FHOD3: variants seen among roughly 807,000 people sequenced by gnomAD.
FHOD3 encodes formin homology 2 domain containing 3, also known as FH1/FH2 domain-containing protein 3.
FHOD3 carries 90 observed loss-of-function variants against 173.0 expected under a neutral mutation model. That is an observed-to-expected ratio of 0.52 (90% CI 0.44 to 0.62). The LOEUF is 0.62. FHOD3 is among the 20% of genes least tolerant of loss of function. The pLI, the probability that FHOD3 is intolerant of heterozygous loss-of-function variation, is 0.00. For missense variants in FHOD3, 1,945 were observed against 2,034.7 expected, an observed-to-expected ratio of 0.96 and a Z score of 0.85; for synonymous variants, 828 against 823.0, an observed-to-expected ratio of 1.01 and a Z score of -0.10.
chr18:36,465,346 G>A (rs551492935), intron 3 of FHOD3, among the ~76,000 whole-genome samples: 34 of 152,150 alleles, frequency 2.2e-4, no homozygotes, highest in African/African-American at 7.2e-4. Flanking sequence ...AATTAGACAC[G>A]GATCTCATAC....
chr18:36,596,641 A>G (rs771490315), intron 7 of FHOD3, among the ~76,000 whole-genome samples: 1 of 152,182 alleles, frequency 6.6e-6, no homozygotes, highest in East Asian at 1.9e-4. Flanking sequence ...ACATGCAGAT[A>G]GATGTCGGCA....
intron 6 of FHOD3, among the ~76,000 whole-genome samples, chr18:36,583,661 T>C (rs1042189472): frequency 1.3e-5 from 2 of 152,176 alleles, no homozygotes; most frequent in African/African-American, 4.8e-5. Flanking sequence ...GCCCCCAGCT[T>C]CTTTGTGAGT....
intron 3 of FHOD3, among the ~76,000 whole-genome samples, chr18:36,429,705 G>A (rs1442644790): frequency 6.6e-6 from 1 of 152,170 alleles, no homozygotes; most frequent in Non-Finnish European, 1.5e-5. Flanking sequence ...AGGGCCAGAA[G>A]GAGGAGCAGC....
chr18:36,502,522 T>G (rs12969758), intron 4 of FHOD3, among the ~76,000 whole-genome samples: 26,178 of 152,092 alleles, frequency 0.17, 3,361 homozygotes, highest in East Asian at 0.59. Context: ...TGCTGTGTTT[T>G]CTGAGAATGA....
At chr18:36,432,232 A>T (rs1599093420) in intron 3 of FHOD3, among the ~76,000 whole-genome samples, 1 of 152,204 alleles carries the variant, frequency 6.6e-6, no homozygotes, top group East Asian at 1.9e-4. Flanking sequence ...TCTGTAATTT[A>T]AAATCTACTA....
At position 36,759,031 on chromosome 18, in the gene FHOD3, A is replaced by G. The variant is rs2035394425; in HGVS notation, c.4426-87A>G. 3 of 1,401,256 alleles carry G rather than the reference A, an allele frequency of 2.1e-6. No individual in the cohort carries two copies. The Admixed American group carries it at 5.9e-5, about 28-fold the overall frequency. 86.8% of individuals were successfully genotyped at this position (1,401,256 alleles called of 1,614,324 possible). A position where few individuals can be genotyped will look rare whatever the true frequency, so the allele number is the denominator to read the frequency against. ...TTATTTACTTGGAATTTTATGTGAC[A>G]TTGCGATGATCTTTTTGCTGACTTC... On this transcript the variant is annotated intron_variant, in intron 25 of 28. Coordinates refer to ENST00000590592, the MANE Select transcript of FHOD3 (RefSeq NM_001281740.3).
At chr18:36,492,266 T>TC (rs2054510656) in intron 3 of FHOD3, among the ~76,000 whole-genome samples, 1 of 152,138 alleles carries the variant, frequency 6.6e-6, no homozygotes, top group African/African-American at 2.4e-5. Context: ...CATCTGAACC[T>TC]CCACTCTCCA....
chr18:36,704,810 C>T (rs74975248), intron 17 of FHOD3, among the ~76,000 whole-genome samples: 2 of 152,186 alleles, frequency 1.3e-5, no homozygotes, highest in Non-Finnish European at 2.9e-5. Context: ...AGCAGCCCTG[C>T]GGAACTCCCT....
At chr18:36,437,665 C>CTTTT (rs1555704498) in intron 3 of FHOD3, among the ~76,000 whole-genome samples, 3 of 69,430 alleles carry the variant, frequency 4.3e-5, no homozygotes, top group African/African-American at 4.5e-5. Context: ...TTCTTTCTTT[C>CTTTT]TTTTTTTTTT....
At chr18:36,459,968 G>C (rs539291976) in intron 3 of FHOD3, among the ~76,000 whole-genome samples, 2 of 152,242 alleles carry the variant, frequency 1.3e-5, no homozygotes, top group African/African-American at 4.8e-5. Context: ...GACTTTCCTT[G>C]TTTTTGATGA....
At chr18:36,698,399 T>C (rs2039402735) in intron 17 of FHOD3, among the ~76,000 whole-genome samples, 1 of 152,214 alleles carries the variant, frequency 6.6e-6, no homozygotes, top group Non-Finnish European at 1.5e-5. Context: ...TAATTGGGAT[T>C]GAGTCCTTCT....
intron 3 of FHOD3, among the ~76,000 whole-genome samples, chr18:36,438,915 A>G (rs916723657): frequency 3.9e-5 from 6 of 152,356 alleles, no homozygotes; most frequent in African/African-American, 1.4e-4. Flanking sequence ...TGTCCTGAAC[A>G]ACTGGGCTCA....
At chr18:36,636,655 G>GT (rs2034906611) in intron 10 of FHOD3, among the ~76,000 whole-genome samples, 4 of 145,494 alleles carry the variant, frequency 2.7e-5, no homozygotes, top group African/African-American at 1.1e-4. Context: ...TCATTCCTGA[G>GT]GTTTTTTTTT....
chr18:36,395,062 A>G (rs1395431464), intron 3 of FHOD3, among the ~76,000 whole-genome samples: 2 of 152,194 alleles, frequency 1.3e-5, no homozygotes, highest in Non-Finnish European at 1.5e-5. Context: ...AGAATATCCC[A>G]TATTTACCCA....
chr18:36,725,362 C>G (rs1159320584), intron 19 of FHOD3, among the ~76,000 whole-genome samples: 1 of 152,132 alleles, frequency 6.6e-6, no homozygotes, highest in African/African-American at 2.4e-5. Flanking sequence ...ACTTGAGAAC[C>G]AGGCACCTAA....
At chr18:36,481,339 T>A (rs2053883886) in intron 3 of FHOD3, among the ~76,000 whole-genome samples, 1 of 151,992 alleles carries the variant, frequency 6.6e-6, no homozygotes, top group African/African-American at 2.4e-5. Flanking sequence ...GACTGCAGGG[T>A]TTGGGAGAAG....
chr18:36,376,838 A>C (rs2047463623), intron 3 of FHOD3, among the ~76,000 whole-genome samples: 1 of 152,258 alleles, frequency 6.6e-6, no homozygotes, highest in Admixed American at 6.5e-5. Flanking sequence ...AATTATAAAC[A>C]GTGCAACATT....
intron 3 of FHOD3, among the ~76,000 whole-genome samples, chr18:36,437,701 G>A (rs1416738490): frequency 8.3e-6 from 1 of 120,288 alleles, no homozygotes; most frequent in African/African-American, 3.2e-5. Context: ...GTCTTGCTCT[G>A]TCGCCAGGCT....
intron 2 of FHOD3, among the ~76,000 whole-genome samples, chr18:36,370,548 A>C (rs1332862623): frequency 6.6e-6 from 1 of 152,106 alleles, no homozygotes; most frequent in Non-Finnish European, 1.5e-5. Flanking sequence ...ACACACTCAA[A>C]GTGCAACTTT....
Sources: gnomAD v4.1 joint callset for allele counts (sites outside exome capture counted in the v4.1 genomes callset) on GRCh38, gnomAD v4.1.1 for gene constraint, MANE v1.5 for transcripts, NCBI Gene and HGNC (gene_info 2026-07-23, HGNC 2026-07-21) for gene names.